Variants in COL23A1 observed in about 807,000 individuals in gnomAD.
COL23A1 encodes the protein collagen alpha-1(XXIII) chain.
Under a neutral mutation model 99.3 loss-of-function variants are expected in COL23A1, and 97 were observed. That is an observed-to-expected ratio of 0.98 (90% CI 0.83 to 1.16). The LOEUF (loss-of-function observed/expected upper bound fraction) is 1.16. COL23A1 is among the 50% of genes most tolerant of loss of function. The pLI, the probability that COL23A1 is intolerant of heterozygous loss-of-function variation, is 0.00. For synonymous variants in COL23A1, 320 were observed against 308.2 expected (o/e 1.04, Z -0.40); for missense variants, 762 against 757.4 (o/e 1.01, Z -0.07).
chr5:178,381,466 G>A (rs1014325308), intron 2 of COL23A1, among the ~76,000 whole-genome samples: 1 of 152,212 alleles, frequency 6.6e-6, no homozygotes, highest in African/African-American at 2.4e-5. Flanking sequence ...GGGAGAGAGG[G>A]TCCTGCCTGT....
intron 2 of COL23A1, among the ~76,000 whole-genome samples, chr5:178,552,001 C>T (rs1345050034): frequency 1.3e-5 from 2 of 152,138 alleles, no homozygotes; most frequent in Non-Finnish European, 2.9e-5. Flanking sequence ...GTCAGTCTCT[C>T]AGAATGCATC....
intron 2 of COL23A1, among the ~76,000 whole-genome samples, chr5:178,411,751 A>G (rs866365517): frequency 2.0e-5 from 3 of 152,192 alleles, no homozygotes; most frequent in South Asian, 4.1e-4. Context: ...AATGCTACTG[A>G]GTTGTTCACT....
intron 2 of COL23A1, among the ~76,000 whole-genome samples, chr5:178,493,205 G>A (rs1758022112): frequency 6.6e-6 from 1 of 152,116 alleles, no homozygotes; most frequent in Non-Finnish European, 1.5e-5. Context: ...GTGGATCTGG[G>A]AGCCCAGGAC....
At chr5:178,555,396 G>A (rs1313241833) in intron 2 of COL23A1, among the ~76,000 whole-genome samples, 5 of 152,104 alleles carry the variant, frequency 3.3e-5, no homozygotes, top group African/African-American at 9.7e-5. Flanking sequence ...GGGTTGCTGA[G>A]CACATGTGAT....
At chr5:178,547,965 C>T (rs1306867640) in intron 2 of COL23A1, among the ~76,000 whole-genome samples, 1 of 102,790 alleles carries the variant, frequency 9.7e-6, no homozygotes, top group African/African-American at 4.3e-5. Context: ...CACACACCTA[C>T]ACCCACATAC....
chr5:178,581,740 T>C (rs960134026), intron 1 of COL23A1, among the ~76,000 whole-genome samples: 24 of 152,086 alleles, frequency 1.6e-4, no homozygotes, highest in Non-Finnish European at 5.9e-5. Flanking sequence ...ACGTTGATAG[T>C]AGGATGCAGA....
intron 8 of COL23A1, among the ~76,000 whole-genome samples, chr5:178,266,529 G>C (rs552040677): frequency 1.1e-3 from 160 of 152,268 alleles, no homozygotes; most frequent in Non-Finnish European, 1.9e-3. Context: ...CTGTTGAAGA[G>C]AGGGCATCCC....
Position 178,256,869 on chromosome 5 carries a change from C to T in COL23A1, c.834G>A (p.Pro278=), listed in dbSNP as rs368392511. ...GAGCAGAGAGCTCTCATGTCACCTT[C>T]GGTCCTGGGGCACCGTCCACACCGT... ...GENGVDGAPG[P]KGEPGHRGTD... is the part of the protein sequence containing the mutation. The change falls in exon 14 of 29, where the codon CCG becomes CCA. Residue 278 remains proline, a synonymous_variant. Transcript: ENST00000390654. The T allele has an allele frequency of 5.1e-5, 83 of 1,612,766 alleles. No individual in the cohort carries two copies. The East Asian group carries it at 8.0e-4, about 16-fold the overall frequency.
At chr5:178,319,826 G>A (rs2086309980) in intron 2 of COL23A1, among the ~76,000 whole-genome samples, 1 of 152,208 alleles carries the variant, frequency 6.6e-6, no homozygotes, top group Admixed American at 6.5e-5. Context: ...AATCAGGTCA[G>A]TCTTAGGCAA....
intron 2 of COL23A1, among the ~76,000 whole-genome samples, chr5:178,371,854 A>G (rs1762816988): frequency 1.3e-5 from 2 of 152,228 alleles, no homozygotes; most frequent in South Asian, 4.1e-4. Context: ...TTCATTTTCT[A>G]GCTGTTGCCA....
At position 178,384,916 on chromosome 5, in the gene COL23A1, G is replaced by A. The variant is rs572137788; in HGVS notation, c.362-77997C>T. Reference sequence around the variant, plus strand: ...CGCGGTGAGAGGTCAAATGGGTGGCGAGGCTCCCGCTCCTTCCCTGTGCCC... The same window carrying A: ...CGCGGTGAGAGGTCAAATGGGTGGCAAGGCTCCCGCTCCTTCCCTGTGCCC... On this transcript the variant is annotated intron_variant, in intron 2 of 28. Transcript: ENST00000390654. The surrounding 1 kb of genome is among the most constrained non-coding windows in gnomAD (Gnocchi z 5.5). Among the ~76,000 whole-genome samples the A allele has an allele frequency of 2.0e-5, 3 of 151,216 alleles. No homozygotes were observed. The highest frequency in any genetic ancestry group is 7.3e-5 in the African/African-American group (3 of 41,250).
chr5:178,542,785 A>C (rs954063766), intron 2 of COL23A1, among the ~76,000 whole-genome samples: 1 of 152,172 alleles, frequency 6.6e-6, no homozygotes, highest in Non-Finnish European at 1.5e-5. Flanking sequence ...ACAGTCTCTG[A>C]GTAAGAACGG....
At chr5:178,432,773 G>A (rs1269498312) in intron 2 of COL23A1, among the ~76,000 whole-genome samples, 3 of 152,182 alleles carry the variant, frequency 2.0e-5, no homozygotes, top group East Asian at 2.0e-4. Flanking sequence ...CGTGCTGAGT[G>A]CCTGCCTGGG....
At chr5:178,416,423 G>A (rs1765313757) in intron 2 of COL23A1, among the ~76,000 whole-genome samples, 1 of 152,160 alleles carries the variant, frequency 6.6e-6, no homozygotes, top group Non-Finnish European at 1.5e-5. Context: ...GCTTGGCCTT[G>A]GGGAAAACCC....
intron 3 of COL23A1, among the ~76,000 whole-genome samples, chr5:178,299,655 C>T (rs1191659527): frequency 6.6e-6 from 1 of 151,492 alleles, no homozygotes; most frequent in Non-Finnish European, 1.5e-5. Context: ...TTTCTTTCTA[C>T]CCTGATTTTA....
chr5:178,545,529 C>T (rs917254160), intron 2 of COL23A1, among the ~76,000 whole-genome samples: 11 of 152,084 alleles, frequency 7.2e-5, no homozygotes, highest in African/African-American at 1.9e-4. Flanking sequence ...CAAGGGGACA[C>T]GGAAGAAAAG....
chr5:178,298,829 G>A (rs1040372223), intron 3 of COL23A1, among the ~76,000 whole-genome samples: 10 of 152,208 alleles, frequency 6.6e-5, no homozygotes, highest in African/African-American at 2.4e-4. Context: ...CCAAAGTGCT[G>A]GGATTACAAA....
intron 2 of COL23A1, among the ~76,000 whole-genome samples, chr5:178,510,382 A>C (rs1038903586): frequency 3.9e-5 from 6 of 152,108 alleles, no homozygotes; most frequent in Admixed American, 1.3e-4. Context: ...TCTCTACTAA[A>C]AATACAAAAA....
intron 2 of COL23A1, among the ~76,000 whole-genome samples, chr5:178,381,916 A>G (rs1763401509): frequency 6.6e-6 from 1 of 152,230 alleles, no homozygotes; most frequent in Non-Finnish European, 1.5e-5. Flanking sequence ...GATTACAGGC[A>G]CGAACCATCA....
Sources: gnomAD v4.1 joint callset for allele counts (sites outside exome capture counted in the v4.1 genomes callset) on GRCh38, gnomAD v4.1.1 for gene constraint, Gnocchi (gnomAD v3.1) non-coding constraint, MANE v1.5 for transcripts, NCBI Gene and HGNC (gene_info 2026-07-23, HGNC 2026-07-21) for gene names.